Variants in GALNTL6 observed in about 807,000 individuals in gnomAD.
The protein encoded by GALNTL6 is polypeptide N-acetylgalactosaminyltransferase-like 6.
In GALNTL6, 46 loss-of-function variants were observed where a neutral mutation model predicts 73.7. The observed-to-expected ratio is 0.62, with a 90% CI of 0.49 to 0.80. GALNTL6 has a LOEUF of 0.80. Ranked by LOEUF, GALNTL6 falls within the 30% of genes least tolerant of loss-of-function variation. The pLI is 0.00. For missense variants in GALNTL6, 604 were observed against 755.0 expected (o/e 0.80, Z 2.34); for synonymous variants, 259 against 263.7 (o/e 0.98, Z 0.17).
At chr4:172,427,018 A>G (rs1479574281) in intron 5 of GALNTL6, among the ~76,000 whole-genome samples, 1 of 152,178 alleles carries the variant, frequency 6.6e-6, no homozygotes, top group Non-Finnish European at 1.5e-5. Context: ...GTAATTATGC[A>G]TAAATTAACT....
At chr4:172,598,326 T>G (rs755762121) in intron 5 of GALNTL6, among the ~76,000 whole-genome samples, 15 of 152,124 alleles carry the variant, frequency 9.9e-5, no homozygotes, top group Non-Finnish European at 1.9e-4. Flanking sequence ...GCGAGTGACC[T>G]CTGCATACCT....
intron 5 of GALNTL6, among the ~76,000 whole-genome samples, chr4:172,434,580 ATTCT>A (rs1309607265): frequency 6.6e-6 from 1 of 152,152 alleles, no homozygotes; most frequent in African/African-American, 2.4e-5. Flanking sequence ...AATAAATTGT[ATTCT>A]TTCTTTATCA....
intron 5 of GALNTL6, among the ~76,000 whole-genome samples, chr4:172,592,649 T>C (rs1737683024): frequency 6.7e-6 from 1 of 149,006 alleles, no homozygotes; most frequent in Admixed American, 6.8e-5. Context: ...AATACTCAAA[T>C]CTATATCTGT....
intron 2 of GALNTL6, among the ~76,000 whole-genome samples, chr4:171,896,128 T>C (rs1217129969): frequency 6.6e-6 from 1 of 152,184 alleles, no homozygotes; most frequent in Non-Finnish European, 1.5e-5. Context: ...TAAAACGTAA[T>C]GGTTGAAATT....
At chr4:172,318,352 A>G (rs1740637176) in intron 4 of GALNTL6, among the ~76,000 whole-genome samples, 1 of 152,206 alleles carries the variant, frequency 6.6e-6, no homozygotes, top group African/African-American at 2.4e-5. Context: ...ACAGTTTAAG[A>G]CTTGTCAGAC....
At chr4:171,960,608 T>A (rs975478430) in intron 2 of GALNTL6, among the ~76,000 whole-genome samples, 7 of 150,130 alleles carry the variant, frequency 4.7e-5, no homozygotes, top group African/African-American at 1.5e-4. Context: ...GCAATTTAAG[T>A]AAATGGCTTC....
At chr4:172,231,232 ATGAC>A (rs1560981195) in intron 3 of GALNTL6, among the ~76,000 whole-genome samples, 87 of 152,148 alleles carry the variant, frequency 5.7e-4, no homozygotes, top group African/African-American at 2.0e-3. Flanking sequence ...GTTTCTCCTT[ATGAC>A]CCCAGGATGC....
chr4:172,632,688 T>C (rs949743979), intron 5 of GALNTL6, among the ~76,000 whole-genome samples: 17 of 152,072 alleles, frequency 1.1e-4, no homozygotes, highest in African/African-American at 3.9e-4. Context: ...AGGAGCCAAA[T>C]GTTAATCACC....
intron 2 of GALNTL6, among the ~76,000 whole-genome samples, chr4:171,915,447 A>G (rs897957546): frequency 2.6e-5 from 4 of 152,194 alleles, no homozygotes; most frequent in Non-Finnish European, 4.4e-5. Flanking sequence ...ATATGATACT[A>G]AAAATACTAA....
chr4:172,673,140 G>A (rs764473266), intron 5 of GALNTL6, among the ~76,000 whole-genome samples: 1 of 152,028 alleles, frequency 6.6e-6, no homozygotes, highest in Non-Finnish European at 1.5e-5. Flanking sequence ...CTAACTTTTT[G>A]ATGTGGGTAT....
chr4:171,853,204 C>G (rs13108978), intron 2 of GALNTL6, among the ~76,000 whole-genome samples: 112,167 of 151,520 alleles, frequency 0.74, 41,710 homozygotes, highest in South Asian at 0.87. Context: ...GTCTCTCTGT[C>G]ATACCTTTTC....
At chr4:172,361,108 T>C (rs1742352315) in intron 5 of GALNTL6, among the ~76,000 whole-genome samples, 1 of 152,186 alleles carries the variant, frequency 6.6e-6, no homozygotes, top group South Asian at 2.1e-4. Flanking sequence ...GATAAACGTT[T>C]CAACTTTTAG....
At chr4:171,961,504 C>T (rs1041238519) in intron 2 of GALNTL6, among the ~76,000 whole-genome samples, 1 of 152,100 alleles carries the variant, frequency 6.6e-6, no homozygotes, top group African/African-American at 2.4e-5. Flanking sequence ...TAAAAAAACC[C>T]TACGTAGCAA....
At chr4:172,356,530 A>G (rs944187709) in intron 5 of GALNTL6, among the ~76,000 whole-genome samples, 2 of 152,224 alleles carry the variant, frequency 1.3e-5, no homozygotes, top group Admixed American at 1.3e-4. Context: ...TAAAATAAAA[A>G]TATCAATCTC....
chr4:172,958,408 G>C (rs1466994463), intron 10 of GALNTL6, among the ~76,000 whole-genome samples: 1 of 152,140 alleles, frequency 6.6e-6, no homozygotes, highest in Non-Finnish European at 1.5e-5. Context: ...GCTAGGGTGG[G>C]GGTAGTCTCT....
chr4:171,988,826 G>T (rs115085106), intron 2 of GALNTL6, among the ~76,000 whole-genome samples: 12,498 of 152,004 alleles, frequency 0.082, 861 homozygotes, highest in African/African-American at 0.18. Context: ...TGGTAAGGGG[G>T]GCATGATCGG....
chr4:172,672,039 C>G (rs557982095), intron 5 of GALNTL6, among the ~76,000 whole-genome samples: 1 of 152,190 alleles, frequency 6.6e-6, no homozygotes, highest in South Asian at 2.1e-4. Context: ...TAAAGACATG[C>G]ACCACCAGGC....
chr4:172,768,037 C>T (rs1738546260), intron 5 of GALNTL6, among the ~76,000 whole-genome samples: 1 of 152,144 alleles, frequency 6.6e-6, no homozygotes, highest in East Asian at 1.9e-4. Flanking sequence ...ACGTTGCACA[C>T]ATACCCGCCA....
At chr4:172,268,808 A>C (rs1738539491) in intron 3 of GALNTL6, among the ~76,000 whole-genome samples, 1 of 152,196 alleles carries the variant, frequency 6.6e-6, no homozygotes, top group Admixed American at 6.6e-5. Flanking sequence ...ATGTGAGAAC[A>C]CAGCAAAAAG....
Sources: gnomAD v4.1 joint callset for allele counts (sites outside exome capture counted in the v4.1 genomes callset) on GRCh38, gnomAD v4.1.1 for gene constraint, MANE v1.5 for transcripts, NCBI Gene and HGNC (gene_info 2026-07-23, HGNC 2026-07-21) for gene names.